KIF13A: variants seen among roughly 807,000 people sequenced by gnomAD.
KIF13A encodes kinesin family member 13A, also known as kinesin-like protein KIF13A.
In KIF13A, 79 loss-of-function variants were observed where a neutral mutation model predicts 212.2. The ratio of observed to expected loss-of-function variants is 0.37; its 90% CI spans 0.31 to 0.45. The LOEUF (loss-of-function observed/expected upper bound fraction) is 0.45. KIF13A is among the 20% of genes least tolerant of loss of function. KIF13A has a pLI of 1.00. For synonymous variants in KIF13A, 789 were observed against 808.6 expected, an observed-to-expected ratio of 0.98 and a Z score of 0.41; for missense variants, 1,901 against 2,209.0, an observed-to-expected ratio of 0.86 and a Z score of 2.79.
Position 17,892,455 on chromosome 6 carries a change from C to A in KIF13A, c.159+5713G>T, listed in dbSNP as rs1772153929. Among the ~76,000 whole-genome samples, 1 of 152,206 alleles carries A rather than the reference C, an allele frequency of 6.6e-6. No individual in the cohort carries two copies. Among genetic ancestry groups the A allele is most frequent in the African/African-American group, 2.4e-5 (1 of 41,454 alleles). The stretch of plus-strand genomic sequence containing the variant: ...ACACTGAAGGTATCAAGGTCCAACC[C>A]TGACATCAAGGCCTGCCACAGCTGG... On this transcript the variant is annotated intron_variant, in intron 3 of 38. Transcript: ENST00000259711. This position sits in a 1 kb window ranked among gnomAD's most constrained non-coding sequence, Gnocchi z 4.7.
rs1292498967 is a variant in KIF13A at position 17,900,852 on chromosome 6, GC to G, written c.147-2673del. On this transcript the variant is annotated intron_variant, in intron 2 of 38. Coordinates refer to ENST00000259711, the MANE Select transcript of KIF13A (RefSeq NM_022113.6). The surrounding 1 kb of genome is among the most constrained non-coding windows in gnomAD (Gnocchi z 4.6). ...CCAGCACTTTGGGAGGCTGAGGCAGGCGGATCACAAGTTCAGGGGATCGAGA... is the reference window on the plus strand; with the variant it reads ...CCAGCACTTTGGGAGGCTGAGGCAGGGGATCACAAGTTCAGGGGATCGAGA... 2.6e-5 allele frequency among the ~76,000 whole-genome samples: 4 copies of G among 152,098 alleles called. No homozygotes were observed. Among genetic ancestry groups the G allele is most frequent in the Non-Finnish European group, 5.9e-5 (4 of 68,008 alleles).
In KIF13A at chr6:17,970,143, C is replaced by T. The variant is rs533872728; in HGVS notation, c.146+16911G>A. 2.7e-3 allele frequency among the ~76,000 whole-genome samples: 411 copies of T among 151,616 alleles called. 3 individuals carry two copies. Among genetic ancestry groups the T allele is most frequent in the African/African-American group, 9.2e-3 (382 of 41,394 alleles). ...TTCACCGTGTTAGCTGGGATGGTCTCGATCTCCTGACCTCGTGATCCGCCC... is the reference window on the plus strand; with the variant it reads ...TTCACCGTGTTAGCTGGGATGGTCTTGATCTCCTGACCTCGTGATCCGCCC... On this transcript the variant is annotated intron_variant, in intron 2 of 38. Transcript: ENST00000259711.
chr6:17,802,587 G>A lies in KIF13A; in HGVS notation c.2454+1774C>T, dbSNP rs1284281549. On this transcript the variant is annotated intron_variant, in intron 20 of 38. Coordinates refer to ENST00000259711, the MANE Select transcript of KIF13A (RefSeq NM_022113.6). ...TTACAGGCGTGAGCCACCACACCCGGCCAAGCTTTTTTTTTTCTTTTTAAT... is the reference window on the plus strand; with the variant it reads ...TTACAGGCGTGAGCCACCACACCCGACCAAGCTTTTTTTTTTCTTTTTAAT... Among the ~76,000 whole-genome samples the A allele has an allele frequency of 2.0e-5, 3 of 151,954 alleles. No individual in the cohort carries two copies. In the East Asian group the frequency reaches 5.8e-4, roughly 29 times the overall value.
At chr6:17,976,690 G>A (rs1780540027) in intron 2 of KIF13A, among the ~76,000 whole-genome samples, 1 of 152,136 alleles carries the variant, frequency 6.6e-6, no homozygotes. Context: ...GGGAGCTCAG[G>A]CAGAGGAGGC....
chr6:17,866,902 TA>T (rs1769461926), intron 4 of KIF13A, among the ~76,000 whole-genome samples: 1 of 145,782 alleles, frequency 6.9e-6, no homozygotes, highest in African/African-American at 2.5e-5. Context: ...TATATACACT[TA>T]AAAAAATTTA....
rs916584596 is a variant in KIF13A at position 17,982,722 on chromosome 6, A to G, written c.146+4332T>C. Among the ~76,000 whole-genome samples the G allele has an allele frequency of 6.6e-6, 1 of 152,232 alleles. No individual in the cohort carries two copies. Among genetic ancestry groups the G allele is most frequent in the African/African-American group, 2.4e-5 (1 of 41,450 alleles). On this transcript the variant is annotated intron_variant, in intron 2 of 38. Coordinates refer to ENST00000259711, the MANE Select transcript of KIF13A (RefSeq NM_022113.6). This position sits in a 1 kb window ranked among gnomAD's most constrained non-coding sequence, Gnocchi z 5.1. ...AAGAACAAAAACTTCTGTAGAAAGCAAGTTCCACTATATTCTTTTCACAGC... is the reference window on the plus strand; with the variant it reads ...AAGAACAAAAACTTCTGTAGAAAGCGAGTTCCACTATATTCTTTTCACAGC...
At chr6:17,846,953 G>A (rs984750365) in intron 9 of KIF13A, among the ~76,000 whole-genome samples, 18 of 152,170 alleles carry the variant, frequency 1.2e-4, no homozygotes, top group African/African-American at 3.6e-4. Flanking sequence ...GGTGACCTGG[G>A]AGACATCATT....
intron 25 of KIF13A, among the ~76,000 whole-genome samples, chr6:17,791,015 G>A (rs560528994): frequency 1.5e-3 from 232 of 151,900 alleles, no homozygotes; most frequent in Middle Eastern, 3.4e-3. Flanking sequence ...CCTTATAAAC[G>A]AGAACCTAGA....
At chr6:17,896,310 A>G (rs1313064875) in intron 3 of KIF13A, among the ~76,000 whole-genome samples, 1 of 138,176 alleles carries the variant, frequency 7.2e-6, no homozygotes, top group Non-Finnish European at 1.5e-5. Context: ...CCTGCCCAGA[A>G]TAATTATTTG....
intron 2 of KIF13A, among the ~76,000 whole-genome samples, chr6:17,906,320 T>C (rs940961848): frequency 6.6e-6 from 1 of 152,182 alleles, no homozygotes; most frequent in African/African-American, 2.4e-5. Flanking sequence ...CCTTATTTCC[T>C]CTAAGACTTT....
chr6:17,832,561 T>A (rs1350223259), intron 12 of KIF13A, among the ~76,000 whole-genome samples: 1 of 151,676 alleles, frequency 6.6e-6, no homozygotes, highest in African/African-American at 2.4e-5. Flanking sequence ...TAGCTTGAAC[T>A]GGGGAGGCGG....
chr6:17,848,685 C>G (rs1383412931), intron 9 of KIF13A, among the ~76,000 whole-genome samples: 2 of 150,962 alleles, frequency 1.3e-5, no homozygotes, highest in Non-Finnish European at 2.9e-5. Context: ...CACCCCTTGG[C>G]CTCCTGAGTA....
At chr6:17,865,230 T>A (rs668264) in intron 4 of KIF13A, among the ~76,000 whole-genome samples, 1 of 151,932 alleles carries the variant, frequency 6.6e-6, no homozygotes, top group Non-Finnish European at 1.5e-5. Flanking sequence ...ATCCAATATT[T>A]GAACACGATC....
intron 2 of KIF13A, among the ~76,000 whole-genome samples, chr6:17,922,644 A>C (rs1240869562): frequency 2.6e-5 from 4 of 152,048 alleles, no homozygotes; most frequent in African/African-American, 9.7e-5. Context: ...GATAACCATA[A>C]AAATCAGGAA....
Position 17,799,848 on chromosome 6 carries a change from C to T in KIF13A, c.2616+104G>A. 1 of 1,336,110 alleles carries T rather than the reference C, an allele frequency of 7.5e-7. No individual in the cohort carries two copies. The highest frequency in any genetic ancestry group is 1.0e-6 in the Non-Finnish European group (1 of 962,864). The allele number at this position is 1,336,110 out of a possible 1,614,324, so 82.8% of individuals were successfully genotyped here. A position where few individuals can be genotyped will look rare whatever the true frequency, so the allele number is the denominator to read the frequency against. On this transcript the variant is annotated intron_variant, in intron 21 of 38. Coordinates refer to ENST00000259711, the MANE Select transcript of KIF13A (RefSeq NM_022113.6). The surrounding 1 kb of genome is among the most constrained non-coding windows in gnomAD (Gnocchi z 4.4). ...ACCACTGTATCTGCTGTTACAAAATCCAACTTTTACTACCCTGGATGAAAA... is the reference window on the plus strand; with the variant it reads ...ACCACTGTATCTGCTGTTACAAAATTCAACTTTTACTACCCTGGATGAAAA...
At position 17,918,360 on chromosome 6, in the gene KIF13A, T is replaced by C. The variant is rs969293060; in HGVS notation, c.147-20180A>G. ...TGTAAATGTCCCACACTGCCATTTA[T>C]GACAAGTTGTACTTAAACGGCAGCC... On this transcript the variant is annotated intron_variant, in intron 2 of 38. Coordinates refer to ENST00000259711, the MANE Select transcript of KIF13A (RefSeq NM_022113.6). This position sits in a 1 kb window ranked among gnomAD's most constrained non-coding sequence, Gnocchi z 4.8. 2.0e-5 allele frequency among the ~76,000 whole-genome samples: 3 copies of C among 152,250 alleles called. No homozygotes were observed. Among genetic ancestry groups the C allele is most frequent in the African/African-American group, 7.2e-5 (3 of 41,462 alleles).
chr6:17,802,955 A>C, intron 20 of KIF13A, among the ~76,000 whole-genome samples: 1 of 142,798 alleles, frequency 7.0e-6, no homozygotes, highest in Admixed American at 7.1e-5. Context: ...TTGTTTTGAG[A>C]CAGAATCTTG....
At position 17,808,937 on chromosome 6, in the gene KIF13A, T is replaced by C. The variant is rs113617349; in HGVS notation, c.2001-7A>G. 1.4e-3 allele frequency: 2,195 copies of C among 1,583,122 alleles called. 44 individuals carry two copies. In the African/African-American group the frequency reaches 0.026, roughly 18 times the overall value. The stretch of plus-strand genomic sequence containing the variant: ...TTGTCGGAAGAGTTCATCCCTGCAG[T>C]GTCATAGAAAAGGGAACGAGAAAAT... On this transcript the variant is annotated splice_polypyrimidine_tract_variant and splice_region_variant and intron_variant, in intron 17 of 38. Coordinates refer to ENST00000259711, the MANE Select transcript of KIF13A (RefSeq NM_022113.6).
chr6:17,966,782 C>T (rs889982835), intron 2 of KIF13A, among the ~76,000 whole-genome samples: 3 of 151,960 alleles, frequency 2.0e-5, no homozygotes, highest in Non-Finnish European at 4.4e-5. Flanking sequence ...TATTATTGCA[C>T]GAACAATAAT....
Sources: gnomAD v4.1 joint callset for allele counts (sites outside exome capture counted in the v4.1 genomes callset) on GRCh38, gnomAD v4.1.1 for gene constraint, Gnocchi (gnomAD v3.1) non-coding constraint, MANE v1.5 for transcripts, NCBI Gene and HGNC (gene_info 2026-07-23, HGNC 2026-07-21) for gene names.